Variants in NCK1 observed in about 807,000 individuals in gnomAD.
The protein encoded by NCK1 is NCK adaptor protein 1.
NCK1 carries 19 observed loss-of-function variants against 36.6 expected under a neutral mutation model. The observed-to-expected ratio is 0.52, with a 90% CI of 0.36 to 0.76. The LOEUF (loss-of-function observed/expected upper bound fraction) is 0.76. Ranked by LOEUF, NCK1 falls within the 30% of genes least tolerant of loss-of-function variation. The pLI, the probability that NCK1 is intolerant of heterozygous loss-of-function variation, is 0.00. For synonymous variants in NCK1, 165 were observed against 156.0 expected, an observed-to-expected ratio of 1.06 and a Z score of -0.43; for missense variants, 358 against 445.6, an observed-to-expected ratio of 0.80 and a Z score of 1.77.
At chr3:136,929,329 T>C (rs1940333292) in intron 2 of NCK1, among the ~76,000 whole-genome samples, 1 of 152,210 alleles carries the variant, frequency 6.6e-6, no homozygotes, top group Admixed American at 6.5e-5. Context: ...ATTGTAAAAC[T>C]GCAAAAACTA....
At chr3:136,885,970 A>G (rs1314136163) in intron 1 of NCK1, among the ~76,000 whole-genome samples, 1 of 152,182 alleles carries the variant, frequency 6.6e-6, no homozygotes, top group African/African-American at 2.4e-5. Context: ...AACGTGTACA[A>G]AAGCAGCAGT....
At chr3:136,868,337 T>C (rs1208878252) in intron 1 of NCK1, among the ~76,000 whole-genome samples, 2 of 152,180 alleles carry the variant, frequency 1.3e-5, no homozygotes, top group East Asian at 1.9e-4. Flanking sequence ...ATTGAGTTTT[T>C]TTTTTCTTGA....
intron 1 of NCK1, among the ~76,000 whole-genome samples, chr3:136,903,416 T>C (rs548193156): frequency 6.6e-6 from 1 of 152,292 alleles, no homozygotes; most frequent in South Asian, 2.1e-4. Context: ...ATCTATTCAA[T>C]CAGTATCTAT....
At chr3:136,926,265 T>G (rs1016083547) in intron 1 of NCK1, among the ~76,000 whole-genome samples, 3 of 148,308 alleles carry the variant, frequency 2.0e-5, no homozygotes, top group African/African-American at 7.4e-5. Flanking sequence ...TATTTTAAAT[T>G]TTATTATTAT....
intron 1 of NCK1, among the ~76,000 whole-genome samples, chr3:136,905,094 C>G (rs1329239408): frequency 6.6e-6 from 1 of 150,850 alleles, no homozygotes; most frequent in Non-Finnish European, 1.5e-5. Flanking sequence ...CTAACTGCAA[C>G]CTTCACCTCC....
chr3:136,910,032 T>C (rs1165517181), intron 1 of NCK1, among the ~76,000 whole-genome samples: 1 of 152,198 alleles, frequency 6.6e-6, no homozygotes, highest in East Asian at 1.9e-4. Context: ...ATCTTGCCAA[T>C]CTCTGTCTTT....
At chr3:136,894,395 T>C (rs111822124) in intron 1 of NCK1, among the ~76,000 whole-genome samples, 7 of 152,320 alleles carry the variant, frequency 4.6e-5, no homozygotes, top group African/African-American at 1.2e-4. Context: ...GTTCAGTGCA[T>C]ATGCTGCATC....
intron 1 of NCK1, among the ~76,000 whole-genome samples, chr3:136,905,438 T>C (rs1234977084): frequency 6.6e-6 from 1 of 152,142 alleles, no homozygotes; most frequent in Non-Finnish European, 1.5e-5. Flanking sequence ...CTTTTTTTTT[T>C]TGAGACAGAG....
At chr3:136,921,243 T>G (rs927675581) in intron 1 of NCK1, among the ~76,000 whole-genome samples, 2 of 152,204 alleles carry the variant, frequency 1.3e-5, no homozygotes, top group Non-Finnish European at 2.9e-5. Flanking sequence ...CTACCAGTCA[T>G]GTATGAGAGA....
intron 2 of NCK1, chr3:136,930,433 T>G: frequency 8.1e-7 from 1 of 1,232,832 alleles, no homozygotes; most frequent in Non-Finnish European, 1.0e-6. Flanking sequence ...TTCTATTGCC[T>G]GGGTGTGGGC....
At chr3:136,906,252 G>A (rs1368754969) in intron 1 of NCK1, among the ~76,000 whole-genome samples, 3 of 152,038 alleles carry the variant, frequency 2.0e-5, no homozygotes, top group African/African-American at 7.2e-5. Context: ...GTTAGTGGAG[G>A]CTGTGATAAA....
At chr3:136,874,238 C>T (rs916778460) in intron 1 of NCK1, among the ~76,000 whole-genome samples, 17 of 152,066 alleles carry the variant, frequency 1.1e-4, no homozygotes, top group African/African-American at 2.4e-4. Context: ...TGCAGTGGTG[C>T]GATCTCAGCT....
chr3:136,886,947 G>A (rs544704180), intron 1 of NCK1, among the ~76,000 whole-genome samples: 1 of 151,558 alleles, frequency 6.6e-6, no homozygotes, highest in South Asian at 2.1e-4. Context: ...AGGTTCAAGC[G>A]ATTCTTATGC....
intron 1 of NCK1, among the ~76,000 whole-genome samples, chr3:136,897,932 A>G (rs967803139): frequency 6.6e-6 from 1 of 152,218 alleles, no homozygotes; most frequent in African/African-American, 2.4e-5. Flanking sequence ...AAGCTGTATT[A>G]TCTAATATCA....
intron 2 of NCK1, chr3:136,930,620 A>G (rs1166008557): frequency 8.4e-6 from 12 of 1,431,016 alleles, no homozygotes; most frequent in Non-Finnish European, 1.0e-5. Flanking sequence ...TATTAAATCC[A>G]CTGTTTTCTT....
At chr3:136,900,014 A>G (rs1939498453) in intron 1 of NCK1, 1 of 649,882 alleles carries the variant, frequency 1.5e-6, no homozygotes. Flanking sequence ...AATCATCATC[A>G]CTGTCAGAGT....
chr3:136,912,636 T>A (rs1939857640), intron 1 of NCK1, among the ~76,000 whole-genome samples: 1 of 151,964 alleles, frequency 6.6e-6, no homozygotes, highest in Non-Finnish European at 1.5e-5. Context: ...TAGTTTCCTT[T>A]GAGATTTTTC....
chr3:136,914,826 T>A (rs538442143), intron 1 of NCK1, among the ~76,000 whole-genome samples: 1 of 152,220 alleles, frequency 6.6e-6, no homozygotes, highest in Non-Finnish European at 1.5e-5. Flanking sequence ...TGGGGCCTAA[T>A]GGGAGGTGTT....
chr3:136,878,950 A>T (rs1415243107), intron 1 of NCK1, among the ~76,000 whole-genome samples: 1 of 152,110 alleles, frequency 6.6e-6, no homozygotes, highest in East Asian at 1.9e-4. Context: ...ATCAAGTAGG[A>T]ATTTGGAGGA....
Sources: allele counts gnomAD v4.1 joint callset (sites outside exome capture counted in the v4.1 genomes callset), GRCh38; gene constraint gnomAD v4.1.1; transcripts MANE v1.5; gene names NCBI Gene and HGNC (gene_info 2026-07-23, HGNC 2026-07-21).